Variants in MSH4 observed in about 807,000 individuals in gnomAD.
MSH4 encodes the protein mutS homolog 4.
A neutral mutation model predicts 113.7 loss-of-function variants in MSH4; 106 were observed. The ratio of observed to expected loss-of-function variants is 0.93; its 90% CI spans 0.80 to 1.10. The LOEUF (loss-of-function observed/expected upper bound fraction) is 1.10, where lower values mean the gene tolerates loss of function less well. MSH4 is among the 50% of genes least tolerant of loss of function. The probability of loss-of-function intolerance (pLI) is 0.00; values close to 1 mark genes in which losing one functional copy is unlikely to be tolerated. For synonymous variants in MSH4, 368 were observed against 380.2 expected (o/e 0.97, Z 0.37); for missense variants, 1,061 against 1,093.7 (o/e 0.97, Z 0.42).
chr1:75,890,850 A>G (rs1652236811), intron 17 of MSH4, 26 bp downstream of exon 17: 4 of 1,475,330 alleles, frequency 2.7e-6, no homozygotes, highest in Non-Finnish European at 3.7e-6. Flanking sequence ...AAGTATATTG[A>G]TTTTGAGTCC....
chr1:75,811,572 G>C (rs1650189882), intron 4 of MSH4, among the ~76,000 whole-genome samples: 1 of 152,106 alleles, frequency 6.6e-6, no homozygotes. Context: ...AATTGTTTCA[G>C]CTTCCCCTGA....
chr1:75,829,363 G>T (rs1650631882), intron 7 of MSH4, among the ~76,000 whole-genome samples: 1 of 152,184 alleles, frequency 6.6e-6, no homozygotes, highest in Non-Finnish European at 1.5e-5. Context: ...CTAGGGGCAG[G>T]GCATAGCTGA....
chr1:75,890,728 A>C lies in MSH4; in HGVS notation c.2259A>C (p.Lys753Asn), dbSNP rs115070207. Residue 753 changes from lysine (K) to asparagine (N), a missense_variant, in exon 17 of 20, where the codon AAA becomes AAC. By Grantham distance (94) the Lys-to-Asn change is moderately conservative (BLOSUM62 0). Transcript: ENST00000263187. ...IAYILHNAND[K>N]SLILIDELGR... is the part of the protein sequence containing the mutation. Reference sequence around the variant, plus strand: ...ATATTCTACATAATGCTAATGACAAATCGCTCATATTAATTGATGAACTTG... The same window carrying C: ...ATATTCTACATAATGCTAATGACAACTCGCTCATATTAATTGATGAACTTG... 6 of 1,602,570 alleles carry C rather than the reference A, an allele frequency of 3.7e-6. No homozygotes were observed. The East Asian group carries it at 1.1e-4, about 30-fold the overall frequency.
chr1:75,906,113 C>G (rs972496336), intron 19 of MSH4, among the ~76,000 whole-genome samples: 1 of 151,868 alleles, frequency 6.6e-6, no homozygotes, highest in Non-Finnish European at 1.5e-5. Context: ...GCCTCAGCCT[C>G]CCAAGTAGCT....
chr1:75,799,694 A>G (rs1203955006), intron 1 of MSH4, among the ~76,000 whole-genome samples: 1 of 152,192 alleles, frequency 6.6e-6, no homozygotes, highest in Non-Finnish European at 1.5e-5. Flanking sequence ...AGGTAGATAA[A>G]CTTGAATGTA....
At position 75,797,274 on chromosome 1, in the gene MSH4, G is replaced by T. The variant is rs771461561; in HGVS notation, c.244+45G>T. The T allele has an allele frequency of 1.9e-6, 3 of 1,566,800 alleles. No individual in the cohort carries two copies. In the African/African-American group the frequency reaches 4.0e-5, roughly 21 times the overall value. On this transcript the variant is annotated intron_variant, in intron 1 of 19. Transcript: ENST00000263187. Reference sequence around the variant, plus strand: ...AGGAGTCTCCTTGAGGCTAGAGGCCGGCAGTTCATGGAGGCTCGGGGGCAC... The same window carrying T: ...AGGAGTCTCCTTGAGGCTAGAGGCCTGCAGTTCATGGAGGCTCGGGGGCAC...
chr1:75,848,144 TA>T, intron 7 of MSH4, 64 bp from the exon 8 acceptor site: 1 of 1,029,064 alleles, frequency 9.7e-7, no homozygotes. Context: ...GATAATATTT[TA>T]CATAGTCAAT....
At chr1:75,814,978 A>G (rs1332890644) in intron 4 of MSH4, 43 bp from the exon 5 acceptor site, 3 of 1,184,736 alleles carry the variant, frequency 2.5e-6, no homozygotes, top group Non-Finnish European at 3.8e-6. Context: ...GGGCAAGCGC[A>G]TGGCACTTCA....
chr1:75,871,662 A>G (rs747559955), intron 9 of MSH4, among the ~76,000 whole-genome samples: 48 of 152,352 alleles, frequency 3.2e-4, no homozygotes, highest in Non-Finnish European at 5.6e-4. Flanking sequence ...CAGATTTCAC[A>G]TACTTTACAA....
chr1:75,880,665 G>A (rs1029971381), intron 13 of MSH4, among the ~76,000 whole-genome samples: 3 of 152,030 alleles, frequency 2.0e-5, no homozygotes, highest in African/African-American at 7.2e-5. Flanking sequence ...TTAATATATA[G>A]TAAGTTTTGG....
intron 7 of MSH4, among the ~76,000 whole-genome samples, chr1:75,824,713 G>A (rs780464247): frequency 8.5e-5 from 13 of 152,048 alleles, no homozygotes; most frequent in South Asian, 4.1e-4. Flanking sequence ...TCCTAGCACC[G>A]TTTATTAAAC....
chr1:75,886,475 A>G lies in MSH4; in HGVS notation c.2107+2654A>G, dbSNP rs1424563369. Among the ~76,000 whole-genome samples the G allele has an allele frequency of 4.0e-5, 5 of 124,422 alleles. No individual in the cohort carries two copies. The Admixed American group carries it at 4.6e-4, about 11-fold the overall frequency. 81.6% of individuals were successfully genotyped at this position (124,422 alleles called of 152,430 possible). On this transcript the variant is annotated intron_variant, in intron 15 of 19. Transcript: ENST00000263187. The stretch of plus-strand genomic sequence containing the variant: ...ATATGATGTATTATATATTATATAT[A>G]ATATATATGATGTATTATATATGAT...
intron 13 of MSH4, among the ~76,000 whole-genome samples, chr1:75,880,770 T>C (rs1326380649): frequency 6.6e-6 from 1 of 151,862 alleles, no homozygotes; most frequent in Non-Finnish European, 1.5e-5. Flanking sequence ...TATTCAGATA[T>C]TGTGTCTGTG....
chr1:75,872,896 T>C (rs1195655369), intron 9 of MSH4, among the ~76,000 whole-genome samples: 1 of 152,224 alleles, frequency 6.6e-6, no homozygotes, highest in Non-Finnish European at 1.5e-5. Flanking sequence ...AAATCGATAA[T>C]GCTGATTAAA....
At chr1:75,896,502 C>T (rs1652388302) in intron 17 of MSH4, among the ~76,000 whole-genome samples, 1 of 151,666 alleles carries the variant, frequency 6.6e-6, no homozygotes, top group Non-Finnish European at 1.5e-5. Flanking sequence ...GGCTGGAGTG[C>T]AGTGGCATGA....
At chr1:75,904,521 C>CTT (rs113449051) in intron 19 of MSH4, among the ~76,000 whole-genome samples, 306 of 148,108 alleles carry the variant, frequency 2.1e-3, no homozygotes, top group African/African-American at 5.9e-3. Context: ...CTTTTTCTTT[C>CTT]TTTTTTTTTT....
At chr1:75,808,440 T>C (rs145633649) in intron 3 of MSH4, among the ~76,000 whole-genome samples, 2 of 152,310 alleles carry the variant, frequency 1.3e-5, no homozygotes, top group African/African-American at 4.8e-5. Context: ...GCCTATGAAG[T>C]GTACTGTTCT....
chr1:75,896,346 A>AACACACACAC lies in MSH4; in HGVS notation c.2356-1522_2356-1513dup, dbSNP rs4035039. Among the ~76,000 whole-genome samples the AACACACACAC allele has an allele frequency of 6.6e-4, 91 of 137,292 alleles. 2 individuals carry two copies. The highest frequency in any genetic ancestry group is 2.2e-3 in the African/African-American group (84 of 37,964). The allele number at this position is 137,292 out of a possible 152,430, so 90.1% of individuals were successfully genotyped here. A position where few individuals can be genotyped will look rare whatever the true frequency, so the allele number is the denominator to read the frequency against. ...ATAATAAATCTCTTTACACACATAC[A>AACACACACAC]ACACACACACACACACACACACACA... is the stretch of plus-strand genomic sequence containing the variant. On this transcript the variant is annotated intron_variant, in intron 17 of 19. Coordinates refer to ENST00000263187, the MANE Select transcript of MSH4 (RefSeq NM_002440.4).
intron 12 of MSH4, among the ~76,000 whole-genome samples, chr1:75,879,701 CAG>C (rs759731137): frequency 2.0e-5 from 3 of 152,102 alleles, no homozygotes; most frequent in Admixed American, 6.6e-5. Context: ...AGGGCTGCGA[CAG>C]GGGTCAGAGA....
Sources: allele counts gnomAD v4.1 joint callset (sites outside exome capture counted in the v4.1 genomes callset), GRCh38; gene constraint gnomAD v4.1.1; transcripts MANE v1.5; gene names NCBI Gene and HGNC (gene_info 2026-07-23, HGNC 2026-07-21).